Variants in PLCXD3 observed in about 807,000 individuals in gnomAD.
The protein encoded by PLCXD3 is phosphatidylinositol specific phospholipase C X domain containing 3, also known as PI-PLC X domain-containing protein 3.
In PLCXD3, 19 loss-of-function variants were observed where a neutral mutation model predicts 25.5. The ratio of observed to expected loss-of-function variants is 0.75; its 90% CI spans 0.52 to 1.09. The LOEUF is 1.09. Ranked by LOEUF, PLCXD3 falls within the 50% of genes least tolerant of loss-of-function variation. PLCXD3 has a pLI of 0.00. For synonymous variants in PLCXD3, 174 were observed against 137.6 expected, an observed-to-expected ratio of 1.26 and a Z score of -1.85; for missense variants, 411 against 388.1, an observed-to-expected ratio of 1.06 and a Z score of -0.50.
chr5:41,344,552 T>C (rs1363622039), intron 2 of PLCXD3, among the ~76,000 whole-genome samples: 2 of 152,150 alleles, frequency 1.3e-5, no homozygotes, highest in African/African-American at 2.4e-5. Context: ...GCTCTTATAA[T>C]TTTAATTCAT....
At chr5:41,439,474 G>GT (rs79020640) in intron 1 of PLCXD3, among the ~76,000 whole-genome samples, 36 of 149,492 alleles carry the variant, frequency 2.4e-4, no homozygotes, top group East Asian at 7.8e-4. Context: ...CTTTTTAAAT[G>GT]TTTTTTTTTT....
intron 2 of PLCXD3, among the ~76,000 whole-genome samples, chr5:41,346,467 T>C (rs1045906049): frequency 2.6e-5 from 4 of 152,154 alleles, no homozygotes; most frequent in African/African-American, 7.2e-5. Context: ...CTAGAAATGC[T>C]CTGTGCTGTC....
intron 1 of PLCXD3, among the ~76,000 whole-genome samples, chr5:41,436,506 T>C (rs982213369): frequency 1.3e-5 from 2 of 152,188 alleles, no homozygotes; most frequent in Non-Finnish European, 2.9e-5. Context: ...AAATGTTAGC[T>C]GTTGCTATTG....
intron 1 of PLCXD3, among the ~76,000 whole-genome samples, chr5:41,440,231 T>TTTC (rs1747352651): frequency 9.0e-6 from 1 of 111,462 alleles, no homozygotes; most frequent in Non-Finnish European, 1.9e-5. Flanking sequence ...TTTTTTTTTT[T>TTTC]TTTTTTTTTT....
intron 1 of PLCXD3, among the ~76,000 whole-genome samples, chr5:41,415,185 A>C (rs759237417): frequency 6.6e-6 from 1 of 152,216 alleles, no homozygotes; most frequent in African/African-American, 2.4e-5. Context: ...TAAAAAATTC[A>C]AGGTATAGCT....
chr5:41,421,581 G>A (rs1746824965), intron 1 of PLCXD3, among the ~76,000 whole-genome samples: 1 of 152,078 alleles, frequency 6.6e-6, no homozygotes, highest in South Asian at 2.1e-4. Flanking sequence ...GGGGCCTGTA[G>A]TCCCAGCTAC....
intron 1 of PLCXD3, among the ~76,000 whole-genome samples, chr5:41,400,570 A>G (rs1746150203): frequency 6.6e-6 from 1 of 152,098 alleles, no homozygotes; most frequent in Non-Finnish European, 1.5e-5. Context: ...ATTATGTTGC[A>G]TGAAATAAGC....
intron 1 of PLCXD3, among the ~76,000 whole-genome samples, chr5:41,462,315 G>A (rs1362600593): frequency 1.3e-5 from 2 of 152,018 alleles, no homozygotes; most frequent in African/African-American, 2.4e-5. Context: ...GTCAGATTCT[G>A]CTGCAGCAAG....
intron 2 of PLCXD3, among the ~76,000 whole-genome samples, chr5:41,331,725 G>C (rs1198792163): frequency 6.6e-6 from 1 of 152,100 alleles, no homozygotes; most frequent in Non-Finnish European, 1.5e-5. Flanking sequence ...AAACAGCATG[G>C]TACTGGTACC....
intron 2 of PLCXD3, among the ~76,000 whole-genome samples, chr5:41,355,615 T>C (rs16871269): frequency 0.16 from 24,648 of 152,154 alleles, 3,294 homozygotes; most frequent in East Asian, 0.36. Flanking sequence ...AAGACTATGC[T>C]TAGGGATTTT....
chr5:41,400,715 A>G (rs1021108762), intron 1 of PLCXD3, among the ~76,000 whole-genome samples: 3 of 152,026 alleles, frequency 2.0e-5, no homozygotes, highest in Non-Finnish European at 2.9e-5. Flanking sequence ...GCTTCAGAGG[A>G]GGTGGAGATG....
At chr5:41,417,960 A>G (rs1746731581) in intron 1 of PLCXD3, among the ~76,000 whole-genome samples, 1 of 152,250 alleles carries the variant, frequency 6.6e-6, no homozygotes, top group Admixed American at 6.5e-5. Flanking sequence ...TACTAACAGT[A>G]TGGAATTATC....
rs753401865 is a variant in PLCXD3, at chr5:41,382,236, A to G, written c.402T>C (p.Asp134=). 6.2e-7 allele frequency: 1 copy of G among 1,613,594 alleles called. No homozygotes were observed. Among genetic ancestry groups the G allele is most frequent in the East Asian group, 2.2e-5 (1 of 44,848 alleles). ...CCAAGAACACTACCTCCTTATGGTG[A>G]TCTGTGAGGAATGCATTGATCTCCT... ...GLEEINAFLT[D]HHKEVVFLDF... is the part of the protein sequence containing the mutation. Residue 134 remains aspartate (D), a synonymous_variant, in exon 2 of 3, where the codon GAT becomes GAC. Coordinates refer to ENST00000377801, the MANE Select transcript of PLCXD3 (RefSeq NM_001005473.3).
intron 2 of PLCXD3, among the ~76,000 whole-genome samples, chr5:41,336,863 A>T (rs2150476414): frequency 6.6e-6 from 1 of 152,170 alleles, no homozygotes; most frequent in Non-Finnish European, 1.5e-5. Context: ...ACTCTCCCAT[A>T]GGTGTTGATC....
chr5:41,392,722 C>G (rs1485472794), intron 1 of PLCXD3, among the ~76,000 whole-genome samples: 2 of 152,060 alleles, frequency 1.3e-5, no homozygotes, highest in Non-Finnish European at 2.9e-5. Flanking sequence ...AAATGAGGCA[C>G]CAGGGACTAA....
chr5:41,438,355 A>G (rs893282344), intron 1 of PLCXD3, among the ~76,000 whole-genome samples: 10 of 152,190 alleles, frequency 6.6e-5, no homozygotes, highest in Non-Finnish European at 1.5e-5. Flanking sequence ...CCCACTTTCA[A>G]GCCTAAAATA....
Position 41,364,235 on chromosome 5 carries a change from T to C in PLCXD3, c.812+17591A>G, listed in dbSNP as rs115411564. On this transcript the variant is annotated intron_variant, in intron 2 of 2. Coordinates refer to ENST00000377801, the MANE Select transcript of PLCXD3 (RefSeq NM_001005473.3). ...AGACAGCTTCCCGCAACGAATTACC[T>C]TGCTTAAAATGTCTATATTGCCGAG... Among the ~76,000 whole-genome samples the C allele has an allele frequency of 3.0e-3, 463 of 152,310 alleles. 1 individual carries two copies. Among genetic ancestry groups the C allele is most frequent in the African/African-American group, 0.011 (446 of 41,576 alleles).
chr5:41,481,370 A>C (rs1382435154), intron 1 of PLCXD3, among the ~76,000 whole-genome samples: 1 of 152,228 alleles, frequency 6.6e-6, no homozygotes, highest in East Asian at 1.9e-4. Context: ...GCTATAATAC[A>C]TAAGCTAGAT....
At chr5:41,468,710 T>C (rs1748081227) in intron 1 of PLCXD3, among the ~76,000 whole-genome samples, 1 of 152,220 alleles carries the variant, frequency 6.6e-6, no homozygotes, top group South Asian at 2.1e-4. Flanking sequence ...TAGTTTTCTA[T>C]GTTGATTCTA....
Sources: allele counts gnomAD v4.1 joint callset (sites outside exome capture counted in the v4.1 genomes callset), GRCh38; gene constraint gnomAD v4.1.1; transcripts MANE v1.5; gene names NCBI Gene and HGNC (gene_info 2026-07-23, HGNC 2026-07-21).